Variants in LAMA2 observed in about 807,000 individuals in gnomAD.
The protein encoded by LAMA2 is laminin subunit alpha-2.
In LAMA2, 269 loss-of-function variants were observed where a neutral mutation model predicts 364.8. The ratio of observed to expected loss-of-function variants is 0.74; its 90% CI spans 0.67 to 0.82. The LOEUF is 0.82. Among genes scored for constraint, LAMA2 ranks in the 40% least tolerant of loss-of-function variants. The probability of loss-of-function intolerance (pLI) is 0.00; values close to 1 mark genes in which losing one functional copy is unlikely to be tolerated. For missense variants in LAMA2, 3,807 were observed against 3,873.2 expected (o/e 0.98, Z 0.45); for synonymous variants, 1,379 against 1,370.6 (o/e 1.01, Z -0.14).
chr6:129,270,499 C>T, intron 16 of LAMA2, 125 bp from the exon 17 acceptor site: 1 of 907,598 alleles, frequency 1.1e-6, no homozygotes, highest in South Asian at 1.4e-5. Context: ...TAAAATTGAC[C>T]ATTTAACATG....
chr6:129,242,615 T>C (rs1024504466), intron 12 of LAMA2, among the ~76,000 whole-genome samples: 2 of 152,148 alleles, frequency 1.3e-5, no homozygotes, highest in African/African-American at 4.8e-5. Flanking sequence ...ATAACATGTA[T>C]TTTTTGCACT....
intron 12 of LAMA2, among the ~76,000 whole-genome samples, chr6:129,245,123 C>T (rs1583328257): frequency 1.3e-5 from 2 of 152,054 alleles, no homozygotes; most frequent in Non-Finnish European, 2.9e-5. Context: ...ATCTGAATCT[C>T]CCTGAAGAGA....
At chr6:128,907,409 GA>G (rs1484438285) in intron 1 of LAMA2, among the ~76,000 whole-genome samples, 2 of 151,808 alleles carry the variant, frequency 1.3e-5, no homozygotes, top group African/African-American at 4.9e-5. Context: ...TTGTGAATGG[GA>G]GTTCACTCAT....
intron 2 of LAMA2, among the ~76,000 whole-genome samples, chr6:129,057,813 C>T (rs887445874): frequency 2.0e-5 from 3 of 152,114 alleles, no homozygotes; most frequent in Non-Finnish European, 4.4e-5. Flanking sequence ...AATTGAGAGT[C>T]CATGTTTGTT....
At chr6:129,478,323 A>C (rs1784182035) in intron 53 of LAMA2, among the ~76,000 whole-genome samples, 1 of 152,150 alleles carries the variant, frequency 6.6e-6, no homozygotes, top group Admixed American at 6.5e-5. Flanking sequence ...TTTTTGGTAT[A>C]TAGTTTGTTT....
At position 128,901,684 on chromosome 6, in the gene LAMA2, T is replaced by C. The variant is rs181167223; in HGVS notation, c.112+18327T>C. ...ACTATGTTACATAGTTACTGAAATT[T>C]AGACATTAAGTTTGTGGAATCTCTC... On this transcript the variant is annotated intron_variant, in intron 1 of 64. Transcript: ENST00000421865. Among the ~76,000 whole-genome samples the C allele has an allele frequency of 2.9e-3, 441 of 152,350 alleles. 4 individuals carry two copies. The highest frequency in any genetic ancestry group is 5.0e-3 in the Non-Finnish European group (343 of 68,022).
At chr6:129,013,165 GTGGCTCACGCCTGTAATCCCAGCACTT>G (rs1330287830) in intron 1 of LAMA2, among the ~76,000 whole-genome samples, 1 of 152,206 alleles carries the variant, frequency 6.6e-6, no homozygotes, top group African/African-American at 2.4e-5. Flanking sequence ...GCTGGGTGTG[GTGGCTCACGCCTGTAATCCCAGCACTT>G]TGGGAGGCTG....
chr6:129,159,203 G>A lies in LAMA2; in HGVS notation c.1206+4520G>A, dbSNP rs147303777. ...CACCAATTTAAATGACTGTCATTCA[G>A]TGAGATTTTCTTGTAAAAGATCGCA... is the stretch of plus-strand genomic sequence containing the variant. On this transcript the variant is annotated intron_variant, in intron 8 of 64. Coordinates refer to ENST00000421865, the MANE Select transcript of LAMA2 (RefSeq NM_000426.4). 1.8e-3 allele frequency: 2,158 copies of A among 1,192,710 alleles called. 9 individuals carry two copies. Among genetic ancestry groups the A allele is most frequent in the East Asian group, 0.011 (454 of 42,918 alleles). The allele number at this position is 1,192,710 out of a possible 1,614,324, so 73.9% of individuals were successfully genotyped here.
chr6:129,017,388 A>G (rs892434965), intron 1 of LAMA2, among the ~76,000 whole-genome samples: 8 of 152,064 alleles, frequency 5.3e-5, no homozygotes, highest in African/African-American at 9.7e-5. Flanking sequence ...CAAAATTTAC[A>G]TATTTACATA....
intron 32 of LAMA2, among the ~76,000 whole-genome samples, chr6:129,357,974 T>C (rs1305003868): frequency 6.6e-6 from 1 of 151,998 alleles, no homozygotes; most frequent in Non-Finnish European, 1.5e-5. Flanking sequence ...ACTTTGCTTG[T>C]TGTACCCCCT....
intron 15 of LAMA2, among the ~76,000 whole-genome samples, chr6:129,264,103 G>A (rs1313514080): frequency 6.6e-6 from 1 of 152,068 alleles, no homozygotes; most frequent in Non-Finnish European, 1.5e-5. Flanking sequence ...TGTCTTAGGA[G>A]GGCATGAATA....
At chr6:129,157,285 G>A (rs1405207428) in intron 8 of LAMA2, among the ~76,000 whole-genome samples, 1 of 152,080 alleles carries the variant, frequency 6.6e-6, no homozygotes, top group Admixed American at 6.5e-5. Flanking sequence ...TTTAAAAAAA[G>A]GCATCAAAAA....
intron 4 of LAMA2, among the ~76,000 whole-genome samples, chr6:129,129,764 A>G (rs1777343652): frequency 1.3e-5 from 2 of 151,714 alleles, no homozygotes; most frequent in Admixed American, 1.3e-4. Context: ...CTCTACTAAA[A>G]ATACAAAAAA....
chr6:129,375,554 A>G (rs533456716), intron 34 of LAMA2, among the ~76,000 whole-genome samples: 29 of 152,204 alleles, frequency 1.9e-4, no homozygotes, highest in African/African-American at 6.5e-4. Context: ...TGCAGCTTTG[A>G]TCTTTCCTTC....
chr6:129,374,744 AT>A (rs33988321), intron 34 of LAMA2, among the ~76,000 whole-genome samples: 5,856 of 137,274 alleles, frequency 0.043, 178 homozygotes, highest in East Asian at 0.14. Context: ...TGCCCAGCTA[AT>A]TTTTTTTTTT....
intron 1 of LAMA2, among the ~76,000 whole-genome samples, chr6:128,915,173 T>G (rs1036883227): frequency 6.6e-6 from 1 of 152,186 alleles, no homozygotes; most frequent in African/African-American, 2.4e-5. Flanking sequence ...TACTCACTAT[T>G]TGGCCAAATG....
chr6:129,148,842 T>C, intron 6 of LAMA2, 137 bp from the exon 7 acceptor site: 1 of 766,508 alleles, frequency 1.3e-6, no homozygotes, highest in African/African-American at 1.7e-5. Context: ...CACCACTTTC[T>C]TCCCAGGCTG....
intron 1 of LAMA2, among the ~76,000 whole-genome samples, chr6:128,964,885 G>T (rs1781741185): frequency 6.6e-6 from 1 of 152,026 alleles, no homozygotes; most frequent in Non-Finnish European, 1.5e-5. Flanking sequence ...GTACTTCAGT[G>T]TCAGGACTGT....
intron 1 of LAMA2, among the ~76,000 whole-genome samples, chr6:128,959,436 CTCT>C (rs1356010109): frequency 1.3e-5 from 2 of 152,136 alleles, no homozygotes; most frequent in Non-Finnish European, 2.9e-5. Context: ...TAGAAAGCAT[CTCT>C]TCTCAGAATT....
Sources: allele counts gnomAD v4.1 joint callset (sites outside exome capture counted in the v4.1 genomes callset), GRCh38; gene constraint gnomAD v4.1.1; transcripts MANE v1.5; gene names NCBI Gene and HGNC (gene_info 2026-07-23, HGNC 2026-07-21).